SORCS1: variants seen among roughly 807,000 people sequenced by gnomAD.
The protein encoded by SORCS1 is sortilin related VPS10 domain containing receptor 1.
In SORCS1, 60 loss-of-function variants were observed where a neutral mutation model predicts 146.1. The ratio of observed to expected loss-of-function variants is 0.41; its 90% CI spans 0.33 to 0.51. SORCS1 has a LOEUF of 0.51. Among genes scored for constraint, SORCS1 ranks in the 20% least tolerant of loss-of-function variants. SORCS1 has a pLI of 0.21. For synonymous variants in SORCS1, 637 were observed against 584.0 expected (o/e 1.09, Z -1.31); for missense variants, 1,352 against 1,487.6 (o/e 0.91, Z 1.50).
At chr10:107,124,953 C>CTTTTTTTTTTTT (rs577523339) in intron 1 of SORCS1, among the ~76,000 whole-genome samples, 7 of 121,612 alleles carry the variant, frequency 5.8e-5, no homozygotes, top group South Asian at 2.5e-4. Flanking sequence ...TTTTCTTTTT[C>CTTTTTTTTTTTT]TTTTTTTTTT....
In SORCS1 at chr10:107,010,807, C is replaced by T. The variant is rs183681011; in HGVS notation, c.559-54227G>A. Among the ~76,000 whole-genome samples the T allele has an allele frequency of 3.3e-5, 5 of 152,264 alleles. No individual in the cohort carries two copies. The East Asian group carries it at 9.7e-4, about 29-fold the overall frequency. On this transcript the variant is annotated intron_variant, in intron 1 of 25. Coordinates refer to ENST00000263054, the MANE Select transcript of SORCS1 (RefSeq NM_052918.5). ...AACAGGCAATCGCAGTGTCTATTGG[C>T]AGAGGTGTCCTGCATGGCTTCTTTT... is the stretch of plus-strand genomic sequence containing the variant.
intron 3 of SORCS1, among the ~76,000 whole-genome samples, chr10:106,780,397 C>T (rs2249247): frequency 0.48 from 72,380 of 151,982 alleles, 17,774 homozygotes; most frequent in African/African-American, 0.61. Flanking sequence ...TATTCTGGAG[C>T]ATGTTCTGGA....
chr10:106,753,766 C>T (rs548751124), intron 5 of SORCS1, among the ~76,000 whole-genome samples: 19 of 151,816 alleles, frequency 1.3e-4, no homozygotes, highest in African/African-American at 4.4e-4. Context: ...AGGAGTTTTA[C>T]GTAAGAAGAG....
intron 1 of SORCS1, among the ~76,000 whole-genome samples, chr10:107,006,669 T>C (rs1403060183): frequency 6.6e-6 from 1 of 152,084 alleles, no homozygotes; most frequent in African/African-American, 2.4e-5. Flanking sequence ...TACAAAAAAT[T>C]AGCCGGATGT....
intron 22 of SORCS1, among the ~76,000 whole-genome samples, chr10:106,608,270 G>A (rs1846743616): frequency 6.6e-6 from 1 of 152,180 alleles, no homozygotes; most frequent in Non-Finnish European, 1.5e-5. Context: ...TGCCAAATGG[G>A]ATGATGTACA....
chr10:106,577,497 G>A lies in SORCS1; in HGVS notation c.3430C>T (p.Arg1144Ter), dbSNP rs749075545. The change falls in exon 26 of 26, where the codon CGA (arginine) becomes TGA (stop). Residue 1144 changes from arginine (R) to a stop codon, truncating the protein, a stop_gained. Transcript: ENST00000263054. LOFTEE classifies it high-confidence loss of function. ...PSTQPGDSSL[R>*]LQRARHATPP... ...GTGGCGTGTCTTGCTCTTTGCAATC[G>A]GAGAGATGAGTCACCAGGTTGAGTA... 27 of 1,611,408 alleles carry A rather than the reference G, an allele frequency of 1.7e-5. No individual in the cohort carries two copies. Among genetic ancestry groups the A allele is most frequent in the Middle Eastern group, 1.6e-4 (1 of 6,076 alleles).
At chr10:106,653,733 A>G (rs1376813830) in intron 17 of SORCS1, among the ~76,000 whole-genome samples, 2 of 152,224 alleles carry the variant, frequency 1.3e-5, no homozygotes, top group African/African-American at 2.4e-5. Flanking sequence ...TACAATGTCA[A>G]TTATTAATGC....
At chr10:106,630,441 T>C in intron 18 of SORCS1, among the ~76,000 whole-genome samples, 1 of 152,150 alleles carries the variant, frequency 6.6e-6, no homozygotes, top group East Asian at 1.9e-4. Flanking sequence ...AGCTAGTAAG[T>C]GGCGGTCCTG....
upstream of SORCS1, among the ~76,000 whole-genome samples, chr10:107,166,451 G>A (rs912075668): frequency 3.9e-5 from 6 of 152,206 alleles, no homozygotes; most frequent in Non-Finnish European, 7.3e-5. Flanking sequence ...CATTAAACTT[G>A]AGTACCTAAA....
chr10:106,966,502 T>C (rs1429679518), intron 1 of SORCS1, among the ~76,000 whole-genome samples: 1 of 152,186 alleles, frequency 6.6e-6, no homozygotes, highest in East Asian at 1.9e-4. Flanking sequence ...CATGTTTATT[T>C]ATGTAAAATC....
At chr10:107,171,768 A>G in the SORCS1 span, among the ~76,000 whole-genome samples, 1 of 152,048 alleles carries the variant, frequency 6.6e-6, no homozygotes, top group South Asian at 2.1e-4. Context: ...AAAGTGCTGG[A>G]ATTACAGGTG....
At chr10:106,773,019 G>A (rs12779808) in intron 4 of SORCS1, among the ~76,000 whole-genome samples, 37,973 of 151,902 alleles carry the variant, frequency 0.25, 5,022 homozygotes, top group Non-Finnish European at 0.29. Flanking sequence ...AAAAAAACAA[G>A]GAAGCCAGCA....
At chr10:106,852,102 T>C (rs1215019823) in intron 2 of SORCS1, among the ~76,000 whole-genome samples, 1 of 152,204 alleles carries the variant, frequency 6.6e-6, no homozygotes, top group East Asian at 1.9e-4. Context: ...TAAGATTTTA[T>C]ACATAGATGC....
At chr10:107,174,923 A>T in the SORCS1 span, among the ~76,000 whole-genome samples, 1 of 152,224 alleles carries the variant, frequency 6.6e-6, no homozygotes, top group Non-Finnish European at 1.5e-5. Context: ...TTTCTTGCCA[A>T]TCACTTTATT....
At chr10:106,894,787 G>T (rs1951400675) in intron 2 of SORCS1, among the ~76,000 whole-genome samples, 1 of 152,280 alleles carries the variant, frequency 6.6e-6, no homozygotes, top group African/African-American at 2.4e-5. Flanking sequence ...TGCTGACATT[G>T]CCAAGGATCC....
intron 3 of SORCS1, among the ~76,000 whole-genome samples, chr10:106,814,711 G>A (rs547986825): frequency 6.6e-6 from 1 of 151,982 alleles, no homozygotes; most frequent in East Asian, 2.0e-4. Context: ...TCAGGAGATC[G>A]AGACCATCCT....
At chr10:106,752,687 T>C (rs1360926676) in intron 5 of SORCS1, among the ~76,000 whole-genome samples, 1 of 152,092 alleles carries the variant, frequency 6.6e-6, no homozygotes, top group Non-Finnish European at 1.5e-5. Flanking sequence ...CCTTGGGCAG[T>C]GATATAGGAA....
At chr10:106,994,309 C>G (rs1042866931) in intron 1 of SORCS1, among the ~76,000 whole-genome samples, 4 of 152,024 alleles carry the variant, frequency 2.6e-5, no homozygotes, top group Admixed American at 6.6e-5. Flanking sequence ...CTGGAATATG[C>G]TGAATGTCTT....
intron 1 of SORCS1, among the ~76,000 whole-genome samples, chr10:107,148,846 G>C (rs181428781): frequency 3.3e-5 from 5 of 152,264 alleles, no homozygotes; most frequent in African/African-American, 1.2e-4. Context: ...ACTCTCTGGG[G>C]ATAGTCATTT....
Sources: allele counts gnomAD v4.1 joint callset (sites outside exome capture counted in the v4.1 genomes callset), GRCh38; gene constraint gnomAD v4.1.1; transcripts MANE v1.5; gene names NCBI Gene and HGNC (gene_info 2026-07-23, HGNC 2026-07-21).